Variants in STAU1 observed in about 807,000 individuals in gnomAD.
The protein encoded by STAU1 is double-stranded RNA-binding protein Staufen homolog 1.
A neutral mutation model predicts 62.9 loss-of-function variants in STAU1; 13 were observed. That is an observed-to-expected ratio of 0.21 (90% confidence interval 0.13 to 0.33). STAU1 has a LOEUF of 0.33. STAU1 is among the 10% of genes least tolerant of loss of function. STAU1 has a pLI of 1.00. For synonymous variants in STAU1, 269 were observed against 265.1 expected (o/e 1.01, Z -0.14); for missense variants, 571 against 712.1 (o/e 0.80, Z 2.25).
chr20:49,197,690 C>T, the STAU1 span, among the ~76,000 whole-genome samples: 2 of 151,968 alleles, frequency 1.3e-5, no homozygotes, highest in East Asian at 1.9e-4. Context: ...TCATGAGCCA[C>T]GGTGCTGGGC....
chr20:49,116,532 T>A (rs984857704), intron 12 of STAU1, among the ~76,000 whole-genome samples: 1 of 151,902 alleles, frequency 6.6e-6, no homozygotes, highest in African/African-American at 2.4e-5. Flanking sequence ...AGAGATGGGG[T>A]TTCACCACGT....
Position 49,117,994 on chromosome 20 carries a change from C to A in STAU1, c.1292G>T (p.Ser431Ile). Residue 431 changes from serine (S) to isoleucine (I), a missense_variant, in exon 11 of 14, where the codon AGT becomes ATT. Transcript: ENST00000371856. The surrounding 1 kb of genome is among the most constrained non-coding windows in gnomAD (Gnocchi z 4.6). Reference protein sequence around the residue: ...VPEVAQAVGVSQGHHTKDFTR... With the variant: ...VPEVAQAVGVIQGHHTKDFTR... ...AAAATCTTTGGTGTGATGTCCTTGACTAACTCCTACAGCCTGGGCGACCTC... is the reference window on the plus strand; with the variant it reads ...AAAATCTTTGGTGTGATGTCCTTGAATAACTCCTACAGCCTGGGCGACCTC... The A allele has an allele frequency of 6.2e-7, 1 of 1,614,202 alleles. No homozygotes were observed. The highest frequency in any genetic ancestry group is 8.5e-7 in the Non-Finnish European group (1 of 1,180,042).
chr20:49,134,448 A>AAAAAAAAAAAAAAAAAAAAAG, intron 6 of STAU1: 6 of 625,618 alleles, frequency 9.6e-6, no homozygotes, highest in East Asian at 3.4e-5. Flanking sequence ...AAAAAAAAAA[A>AAAAAAAAAAAAAAAAAAAAAG]AGCTCTGGGT....
intron 5 of STAU1, among the ~76,000 whole-genome samples, chr20:49,141,896 T>C (rs1457545694): frequency 1.3e-5 from 2 of 152,154 alleles, no homozygotes; most frequent in Non-Finnish European, 2.9e-5. Context: ...TGAAAACTCA[T>C]ATACCTCATT....
intron 6 of STAU1, among the ~76,000 whole-genome samples, chr20:49,130,903 AC>A (rs1176656306): frequency 6.6e-6 from 1 of 151,002 alleles, no homozygotes; most frequent in African/African-American, 2.4e-5. Flanking sequence ...ACATCACTGC[AC>A]CCCAGCCTGG....
Position 49,117,884 on chromosome 20 carries a change from C to T in STAU1, c.1402G>A (p.Ala468Thr), listed in dbSNP as rs2092366061. The change falls in exon 11 of 14, where the codon GCC becomes ACC. Residue 468 changes from alanine (A) to threonine (T), a missense_variant. Physicochemically the swap from Ala to Thr is moderately conservative, Grantham distance 58 (BLOSUM62 0). This residue lies in a region of STAU1 where 156 missense variants were observed against 194.7 expected (regional missense o/e 0.80). Transcript: ENST00000371856. The surrounding 1 kb of genome is among the most constrained non-coding windows in gnomAD (Gnocchi z 4.6). ...ATGTTATTCTTTAAAATGGTCTCGG[C>T]TGTGGGCGAGGTGCCCCCATACAAC... ...ELLYGGTSPT[A>T]ETILKNNISS... is the part of the protein sequence containing the mutation. The T allele has an allele frequency of 6.2e-7, 1 of 1,614,076 alleles. No individual in the cohort carries two copies. Among genetic ancestry groups the T allele is most frequent in the African/African-American group, 1.3e-5 (1 of 74,924 alleles).
chr20:49,212,641 C>CTTTTTTTTTTTTTTTTTTTTTTTTTTTT, the STAU1 span, among the ~76,000 whole-genome samples: 1 of 15,476 alleles, frequency 6.5e-5, no homozygotes, highest in African/African-American at 2.0e-4. Flanking sequence ...CAGAGTTTTG[C>CTTTTTTTTTTTTTTTTTTTTTTTTTTTT]TCTTGTTGCC....
At chr20:49,194,851 T>A in the STAU1 span, among the ~76,000 whole-genome samples, 1 of 151,906 alleles carries the variant, frequency 6.6e-6, no homozygotes, top group Non-Finnish European at 1.5e-5. Context: ...AGTGTTGGAA[T>A]TACAGGCATG....
chr20:49,117,395 A>G lies in STAU1; in HGVS notation c.1510-147T>C. 2.0e-6 allele frequency: 2 copies of G among 988,690 alleles called. No individual in the cohort carries two copies. The highest frequency in any genetic ancestry group is 3.0e-6 in the Non-Finnish European group (2 of 670,582). 61.2% of individuals were successfully genotyped at this position (988,690 alleles called of 1,614,324 possible). A position where few individuals can be genotyped will look rare whatever the true frequency, so the allele number is the denominator to read the frequency against. ...TGGCCATACTAACACCTGCCCTGTC[A>G]GCCCAGAACCTTCCAGGAACCTAGG... On this transcript the variant is annotated intron_variant, in intron 11 of 13. Transcript: ENST00000371856. The surrounding 1 kb of genome is among the most constrained non-coding windows in gnomAD (Gnocchi z 4.6).
the STAU1 span, among the ~76,000 whole-genome samples, chr20:49,205,864 G>C: frequency 1.3e-3 from 199 of 149,970 alleles, 3 homozygotes; most frequent in Middle Eastern, 7.3e-3. Context: ...AGTAGAGACG[G>C]GGTTTCTCCA....
chr20:49,183,932 CT>C (rs543110400), intron 1 of STAU1, among the ~76,000 whole-genome samples: 206 of 142,658 alleles, frequency 1.4e-3, no homozygotes, highest in Middle Eastern at 3.6e-3. Context: ...GTATACATGC[CT>C]TTTTTTTTTT....
At chr20:49,147,364 G>A (rs1263181091) in intron 5 of STAU1, among the ~76,000 whole-genome samples, 1 of 152,226 alleles carries the variant, frequency 6.6e-6, no homozygotes, top group Non-Finnish European at 1.5e-5. Flanking sequence ...TGCCTGCCCT[G>A]TAGACAGCAA....
intron 1 of STAU1, among the ~76,000 whole-genome samples, chr20:49,174,907 C>T (rs113596861): frequency 1.4e-5 from 2 of 143,672 alleles, no homozygotes; most frequent in African/African-American, 5.2e-5. Flanking sequence ...GCACTCCAGC[C>T]TGGGTGACAG....
intron 3 of STAU1, among the ~76,000 whole-genome samples, chr20:49,165,546 G>A (rs896212257): frequency 3.3e-5 from 5 of 151,374 alleles, no homozygotes; most frequent in Non-Finnish European, 5.9e-5. Flanking sequence ...ATGTTGGCCA[G>A]GCTGGTCTCA....
the STAU1 span, among the ~76,000 whole-genome samples, chr20:49,199,727 C>T: frequency 7.2e-5 from 11 of 151,948 alleles, no homozygotes; most frequent in Non-Finnish European, 1.6e-4. Flanking sequence ...CGCCTGCCAC[C>T]ACGCCCAGCT....
chr20:49,154,332 G>A (rs2093320296), intron 3 of STAU1, among the ~76,000 whole-genome samples: 3 of 152,150 alleles, frequency 2.0e-5, no homozygotes, highest in Non-Finnish European at 1.5e-5. Context: ...CATTATCAGT[G>A]AAAGCTATAT....
At chr20:49,129,175 A>G (rs2092696710) in intron 6 of STAU1, among the ~76,000 whole-genome samples, 1 of 152,072 alleles carries the variant, frequency 6.6e-6, no homozygotes, top group Non-Finnish European at 1.5e-5. Flanking sequence ...ATAGTAAAAT[A>G]AAAACACGAA....
Position 49,165,201 on chromosome 20 carries a change from T to G in STAU1, c.205+796A>C, listed in dbSNP as rs542256239. 1.3e-4 allele frequency among the ~76,000 whole-genome samples: 20 copies of G among 152,222 alleles called. No homozygotes were observed. In the South Asian group the frequency reaches 4.1e-3, roughly 32 times the overall value. On this transcript the variant is annotated intron_variant, in intron 3 of 13. Transcript: ENST00000371856. Reference sequence around the variant, plus strand: ...CTGGGACTACAGGCACGCACCACCATGCCCAGCTATTTTTTGTATTTTTAG... The same window carrying G: ...CTGGGACTACAGGCACGCACCACCAGGCCCAGCTATTTTTTGTATTTTTAG...
At chr20:49,189,254 A>G (rs1192921973), upstream of STAU1, among the ~76,000 whole-genome samples, 1 of 138,354 alleles carries the variant, frequency 7.2e-6, no homozygotes, top group East Asian at 2.2e-4. Flanking sequence ...GAGAAGTGCC[A>G]GATTACTATT....
Sources: gnomAD v4.1 joint callset for allele counts (sites outside exome capture counted in the v4.1 genomes callset) on GRCh38, gnomAD v4.1.1 for gene constraint, gnomAD v4.1.1 regional missense constraint, Gnocchi (gnomAD v3.1) non-coding constraint, MANE v1.5 for transcripts, NCBI Gene and HGNC (gene_info 2026-07-23, HGNC 2026-07-21) for gene names.